ZNF518B: variants seen among roughly 807,000 people sequenced by gnomAD.
ZNF518B encodes zinc finger protein 518B.
ZNF518B carries 23 observed loss-of-function variants against 56.3 expected under a neutral mutation model. The observed-to-expected ratio is 0.41, with a 90% confidence interval of 0.29 to 0.58. The LOEUF is 0.58. Ranked by LOEUF, ZNF518B falls within the 20% of genes least tolerant of loss-of-function variation. The pLI is 0.32. For missense variants in ZNF518B, 1,460 were observed against 1,272.1 expected (o/e 1.15, Z -2.25); for synonymous variants, 529 against 465.9 (o/e 1.14, Z -1.74).
At position 10,442,956 on chromosome 4, in the gene ZNF518B, G is replaced by C. The variant is rs918323978; in HGVS notation, c.*148C>G. ...GGTCCAATCACATACTTCAGGTTCA[G>C]ACTCCTAGCTCCCAATATTCCTACA... is the stretch of plus-strand genomic sequence containing the variant. On this transcript the variant is annotated 3_prime_UTR_variant, in exon 3 of 3. Transcript: ENST00000326756. 1.4e-6 allele frequency: 1 copy of C among 710,140 alleles called. No homozygotes were observed. Among genetic ancestry groups the C allele is most frequent in the African/African-American group, 1.8e-5 (1 of 56,168 alleles). 44.0% of individuals were successfully genotyped at this position (710,140 alleles called of 1,614,324 possible). A position where few individuals can be genotyped will look rare whatever the true frequency, so the allele number is the denominator to read the frequency against.
In ZNF518B at chr4:10,444,455, T is replaced by A. The variant is rs148998910; in HGVS notation, c.1874A>T (p.Asn625Ile). The A allele has an allele frequency of 1.4e-4, 231 of 1,614,120 alleles. No homozygotes were observed. The highest frequency in any genetic ancestry group is 1.9e-4 in the Non-Finnish European group (221 of 1,180,058). ...PLELKNSERTNNTNDGPVISS... is the reference protein window; with the variant it reads ...PLELKNSERTINTNDGPVISS... Reference sequence around the variant, plus strand: ...GATGACTGGGCCATCATTAGTGTTGTTAGTCCTTTCAGAATTCTTTAATTC... The same window carrying A: ...GATGACTGGGCCATCATTAGTGTTGATAGTCCTTTCAGAATTCTTTAATTC... The change falls in exon 3 of 3, where the codon AAC (asparagine) becomes ATC (isoleucine). Residue 625 changes from asparagine to isoleucine, a missense_variant. Coordinates refer to ENST00000326756, the MANE Select transcript of ZNF518B (RefSeq NM_053042.3).
intron 2 of ZNF518B, chr4:10,452,415 GC>G (rs1392768754): frequency 6.6e-6 from 1 of 151,834 alleles, no homozygotes; most frequent in African/African-American, 2.4e-5. Context: ...CATAGCAAAG[GC>G]TTGTCTAGCT....
intron 1 of ZNF518B, among the ~76,000 whole-genome samples, chr4:10,455,298 G>A (rs1227681611): frequency 6.6e-6 from 1 of 152,130 alleles, no homozygotes; most frequent in Admixed American, 6.5e-5. Flanking sequence ...TTCACTCCAA[G>A]GATGAATCCT....
rs1183434622 is a variant in ZNF518B at position 10,443,325 on chromosome 4, G to C, written c.3004C>G (p.Gln1002Glu). 5 of 1,614,104 alleles carry C rather than the reference G, an allele frequency of 3.1e-6. No individual in the cohort carries two copies. Among genetic ancestry groups the C allele is most frequent in the Middle Eastern group, 1.6e-4 (1 of 6,062 alleles). Residue 1002 changes from glutamine (Q) to glutamate (E), a missense_variant, in exon 3 of 3, where the codon CAA (glutamine) becomes GAA (glutamate). Gln to Glu is a conservative substitution (Grantham distance 29). Transcript: ENST00000326756. ...TTCAACATCATTTGCCTTTTAATTT[G>C]ACTGGCTTCTTCCGCATTCTGGTAG... ...LTYQNAEEAS[Q>E]IKRQMMLKMK... is the part of the protein sequence containing the mutation.
rs1286631921 is a variant in ZNF518B at position 10,445,903 on chromosome 4, G to C, written c.426C>G (p.Phe142Leu). 5 of 1,614,174 alleles carry C rather than the reference G, an allele frequency of 3.1e-6. No individual in the cohort carries two copies. Among genetic ancestry groups the C allele is most frequent in the Non-Finnish European group, 2.5e-6 (3 of 1,180,036 alleles). The change falls in exon 3 of 3, where the codon TTC becomes TTG. Residue 142 changes from phenylalanine to leucine, a missense_variant. Physicochemically the swap from Phe to Leu is conservative, Grantham distance 22. Coordinates refer to ENST00000326756, the MANE Select transcript of ZNF518B (RefSeq NM_053042.3). ...PGKYYCDKCR[F>L]STKDPLQYKK... ...TGTACTGCAGCGGGTCCTTTGTAGA[G>C]AATCGACATTTATCACAATAGTATT...
chr4:10,448,980 G>A (rs778323618), intron 2 of ZNF518B, among the ~76,000 whole-genome samples: 2 of 152,120 alleles, frequency 1.3e-5, no homozygotes, highest in Non-Finnish European at 2.9e-5. Flanking sequence ...ATTAAAAAAA[G>A]GCCCATGACT....
intron 2 of ZNF518B, chr4:10,452,050 T>C (rs1715337700): frequency 6.6e-6 from 1 of 152,208 alleles, no homozygotes; most frequent in African/African-American, 2.4e-5. Flanking sequence ...TGCATCGTTT[T>C]TGGATGTAGA....
rs372108089 is a variant in ZNF518B, at chr4:10,445,173, C to G, written c.1156G>C (p.Val386Leu). Residue 386 changes from valine to leucine, a missense_variant, in exon 3 of 3, where the codon GTG becomes CTG. Physicochemically the swap from Val to Leu is conservative, Grantham distance 32 (BLOSUM62 1). Transcript: ENST00000326756. ...RDNGGNSERM[V>L]KEKGSNEQEK... ...TGTTCATTTGAACCCTTCTCTTTCA[C>G]CATACGTTCAGAATTACCTCCATTA... is the stretch of plus-strand genomic sequence containing the variant. 15 of 1,614,106 alleles carry G rather than the reference C, an allele frequency of 9.3e-6. No individual in the cohort carries two copies. The highest frequency in any genetic ancestry group is 1.3e-5 in the Non-Finnish European group (15 of 1,180,038).
At chr4:10,448,438 C>T (rs1715163720) in intron 2 of ZNF518B, among the ~76,000 whole-genome samples, 1 of 152,172 alleles carries the variant, frequency 6.6e-6, no homozygotes, top group African/African-American at 2.4e-5. Context: ...TGGTGTAAAA[C>T]CTGCCCTTTG....
chr4:10,446,575 T>C (rs1715065381), intron 2 of ZNF518B, 36 bp from the exon 3 acceptor site: 5 of 434,174 alleles, frequency 1.2e-5, no homozygotes, highest in South Asian at 5.8e-5. Context: ...ATGATTAATA[T>C]AAGAGTTTGG....
chr4:10,456,705 G>A (rs989583272), intron 1 of ZNF518B, among the ~76,000 whole-genome samples: 7 of 152,210 alleles, frequency 4.6e-5, no homozygotes, highest in East Asian at 1.9e-4. Flanking sequence ...CGTCTCCCAG[G>A]CGCGTCCCGC....
chr4:10,446,704 C>T (rs181868822), intron 2 of ZNF518B, among the ~76,000 whole-genome samples, 165 bp from the exon 3 acceptor site: 5 of 152,252 alleles, frequency 3.3e-5, no homozygotes, highest in Non-Finnish European at 7.4e-5. Flanking sequence ...GCAAGTAAGC[C>T]TAAATTGAAA....
intron 2 of ZNF518B, among the ~76,000 whole-genome samples, chr4:10,449,673 A>C (rs11945424): frequency 6.6e-6 from 1 of 152,144 alleles, no homozygotes; most frequent in Non-Finnish European, 1.5e-5. Flanking sequence ...ATATAAGTTG[A>C]TATCTGTTTA....
intron 1 of ZNF518B, among the ~76,000 whole-genome samples, chr4:10,456,653 T>C (rs1715543665): frequency 6.6e-6 from 1 of 152,154 alleles, no homozygotes; most frequent in Non-Finnish European, 1.5e-5. Flanking sequence ...CGCCTGAGCC[T>C]GGGCGCTCGG....
chr4:10,459,160 A>C (rs1471727839), upstream of ZNF518B, among the ~76,000 whole-genome samples: 1 of 152,206 alleles, frequency 6.6e-6, no homozygotes, highest in Non-Finnish European at 1.5e-5. Flanking sequence ...AACAAGAGAA[A>C]GCAAGTCAGG....
intron 1 of ZNF518B, 126 bp from the exon 2 acceptor site, chr4:10,455,114 A>C (rs1715475339): frequency 6.6e-6 from 1 of 152,204 alleles, no homozygotes; most frequent in Non-Finnish European, 1.5e-5. Context: ...TGGCAAAGTC[A>C]CCCACGGAAC....
In ZNF518B at chr4:10,442,978, T is replaced by C. The variant is rs546850889; in HGVS notation, c.*126A>G. The C allele has an allele frequency of 8.6e-5, 73 of 845,490 alleles. No individual in the cohort carries two copies. Among genetic ancestry groups the C allele is most frequent in the South Asian group, 7.5e-4 (39 of 52,134 alleles). 52.4% of individuals were successfully genotyped at this position (845,490 alleles called of 1,614,324 possible). A position where few individuals can be genotyped will look rare whatever the true frequency, so the allele number is the denominator to read the frequency against. On this transcript the variant is annotated 3_prime_UTR_variant, in exon 3 of 3. Coordinates refer to ENST00000326756, the MANE Select transcript of ZNF518B (RefSeq NM_053042.3). ...TCAGACTCCTAGCTCCCAATATTCCTACAGTTCTGAAGAATTAGCAGTCCT... is the reference window on the plus strand; with the variant it reads ...TCAGACTCCTAGCTCCCAATATTCCCACAGTTCTGAAGAATTAGCAGTCCT...
At chr4:10,460,331 A>C (rs904142880), upstream of ZNF518B, among the ~76,000 whole-genome samples, 3 of 144,254 alleles carry the variant, frequency 2.1e-5, no homozygotes, top group East Asian at 4.2e-4. Context: ...AAACCAAAAA[A>C]AAAAAAACCG....
chr4:10,456,550 C>T (rs1012148187), intron 1 of ZNF518B, among the ~76,000 whole-genome samples: 2 of 152,156 alleles, frequency 1.3e-5, no homozygotes, highest in African/African-American at 4.8e-5. Context: ...ACGAGCCCAC[C>T]CCTGACCCTC....
Sources: gnomAD v4.1 joint callset for allele counts (sites outside exome capture counted in the v4.1 genomes callset) on GRCh38, gnomAD v4.1.1 for gene constraint, MANE v1.5 for transcripts, NCBI Gene and HGNC (gene_info 2026-07-23, HGNC 2026-07-21) for gene names.